MAP4K3: variants seen among roughly 807,000 people sequenced by gnomAD.
MAP4K3 encodes mitogen-activated protein kinase kinase kinase kinase 3.
Under a neutral mutation model 143.5 loss-of-function variants are expected in MAP4K3, and 94 were observed. That is an observed-to-expected ratio of 0.65 (90% confidence interval 0.55 to 0.78). The LOEUF is 0.78. Ranked by LOEUF, MAP4K3 falls within the 30% of genes least tolerant of loss-of-function variation. MAP4K3 has a pLI of 0.00. For synonymous variants in MAP4K3, 416 were observed against 347.2 expected, an observed-to-expected ratio of 1.20 and a Z score of -2.20; for missense variants, 1,077 against 1,068.1, an observed-to-expected ratio of 1.01 and a Z score of -0.12.
At chr2:39,392,395 C>T (rs1170295901) in intron 1 of MAP4K3, among the ~76,000 whole-genome samples, 4 of 152,062 alleles carry the variant, frequency 2.6e-5, no homozygotes, top group Admixed American at 1.3e-4. Flanking sequence ...TCTGCTAACT[C>T]AATATTGCCT....
chr2:39,356,517 T>A (rs190458198), intron 2 of MAP4K3, among the ~76,000 whole-genome samples, 178 bp from the exon 3 acceptor site: 9 of 152,350 alleles, frequency 5.9e-5, no homozygotes, highest in Admixed American at 4.6e-4. Flanking sequence ...CAGTCCTGAC[T>A]TGAGAGAAAA....
chr2:39,436,337 T>C (rs1466054782), intron 1 of MAP4K3, among the ~76,000 whole-genome samples: 1 of 150,412 alleles, frequency 6.6e-6, no homozygotes, highest in Non-Finnish European at 1.5e-5. Flanking sequence ...AAAAAAGTCA[T>C]TACTCTGGAA....
chr2:39,424,961 T>G (rs1190466202), intron 1 of MAP4K3, among the ~76,000 whole-genome samples: 1 of 151,730 alleles, frequency 6.6e-6, no homozygotes, highest in Non-Finnish European at 1.5e-5. Flanking sequence ...TGATTTGGGG[T>G]TCAAGTTTGT....
At chr2:39,383,393 C>T (rs755562590) in intron 1 of MAP4K3, among the ~76,000 whole-genome samples, 4 of 128,116 alleles carry the variant, frequency 3.1e-5, no homozygotes, top group South Asian at 6.0e-4. Flanking sequence ...AAGAGCAAGA[C>T]GGTAATCACC....
intron 15 of MAP4K3, among the ~76,000 whole-genome samples, chr2:39,304,794 T>C (rs924386281): frequency 2.0e-5 from 3 of 152,158 alleles, no homozygotes; most frequent in Non-Finnish European, 2.9e-5. Flanking sequence ...AGCCAAAAGG[T>C]AGAAGCAACT....
intron 14 of MAP4K3, 67 bp downstream of exon 14, chr2:39,309,394 T>C (rs1183991162): frequency 9.7e-6 from 12 of 1,237,198 alleles, no homozygotes; most frequent in Non-Finnish European, 1.2e-5. Context: ...TCAGTACTAA[T>C]ACATCACACA....
In MAP4K3 at chr2:39,272,507, C is replaced by A; in HGVS notation, c.1830G>T (p.Met610Ile). 6.2e-7 allele frequency: 1 copy of A among 1,613,320 alleles called. No individual in the cohort carries two copies. Among genetic ancestry groups the A allele is most frequent in the South Asian group, 1.1e-5 (1 of 91,010 alleles). Residue 610 changes from methionine (M) to isoleucine (I), a missense_variant, in exon 25 of 34, where the codon ATG (methionine) becomes ATT (isoleucine). Physicochemically the swap from Met to Ile is conservative, Grantham distance 10. Around this residue, in one of 2 missense-constraint regions of MAP4K3, gnomAD observed 864 missense variants for 801.2 expected, o/e 1.08. Coordinates refer to ENST00000263881, the MANE Select transcript of MAP4K3 (RefSeq NM_003618.4). ...FPRRCTWLYV[M>I]NNCLLSISGK... The stretch of plus-strand genomic sequence containing the variant: ...CAGATATTGATAGCAAGCAATTGTT[C>A]ATTACATACAACCATGTACACCTTC...
At chr2:39,337,752 GTT>G (rs570853243) in intron 4 of MAP4K3, among the ~76,000 whole-genome samples, 171 bp from the exon 5 acceptor site, 1 of 70,518 alleles carries the variant, frequency 1.4e-5, no homozygotes, top group Non-Finnish European at 2.4e-5. Flanking sequence ...CCTGGCTCCA[GTT>G]TTTTTTTTTT....
In MAP4K3 at chr2:39,258,954, A is replaced by G. The variant is rs544291991; in HGVS notation, c.2309-367T>C. Among the ~76,000 whole-genome samples the G allele has an allele frequency of 9.1e-4, 139 of 152,146 alleles. 1 individual carries two copies. Among genetic ancestry groups the G allele is most frequent in the African/African-American group, 3.0e-3 (124 of 41,558 alleles). ...TGTAAATACATGTAGTTCTCAAACT[A>G]TGGTTGCTGTATCAACACCATCAGC... On this transcript the variant is annotated intron_variant, in intron 29 of 33. Transcript: ENST00000263881.
At chr2:39,264,127 A>G (rs568763851) in intron 28 of MAP4K3, among the ~76,000 whole-genome samples, 24 of 152,322 alleles carry the variant, frequency 1.6e-4, no homozygotes, top group African/African-American at 5.8e-4. Flanking sequence ...TTGATGAAAA[A>G]TCAAACTGTG....
At chr2:39,317,789 G>A (rs1044654653) in intron 12 of MAP4K3, among the ~76,000 whole-genome samples, 7 of 152,032 alleles carry the variant, frequency 4.6e-5, no homozygotes, top group African/African-American at 1.2e-4. Flanking sequence ...AAAAGGGAAC[G>A]GTTACACACT....
rs542266560 is a variant in MAP4K3, at chr2:39,437,261, G to T, written c.-274C>A. On this transcript the variant is annotated 5_prime_UTR_variant, in exon 1 of 34. Transcript: ENST00000263881. ...GGAGAACCCTCGCAGCCCCTCGCTCGGGGTGAAACTCCAACATGGCTTCCG... is the reference window on the plus strand; with the variant it reads ...GGAGAACCCTCGCAGCCCCTCGCTCTGGGTGAAACTCCAACATGGCTTCCG... 3 of 257,552 alleles carry T rather than the reference G, an allele frequency of 1.2e-5. No homozygotes were observed. The highest frequency in any genetic ancestry group is 3.1e-4 in the South Asian group (2 of 6,454). The allele number at this position is 257,552 out of a possible 1,614,324, so 16.0% of individuals were successfully genotyped here.
intron 15 of MAP4K3, among the ~76,000 whole-genome samples, chr2:39,305,033 G>A (rs937089992): frequency 1.3e-5 from 2 of 152,190 alleles, no homozygotes; most frequent in African/African-American, 2.4e-5. Flanking sequence ...AAAACAGAGT[G>A]TTCGCTGCCA....
chr2:39,403,414 G>A (rs768277707), intron 1 of MAP4K3, among the ~76,000 whole-genome samples: 8 of 152,164 alleles, frequency 5.3e-5, no homozygotes, highest in African/African-American at 1.2e-4. Flanking sequence ...AATTGCCAAC[G>A]TCCCCCATCC....
chr2:39,268,626 T>C (rs896771072), intron 26 of MAP4K3, among the ~76,000 whole-genome samples: 1 of 116,868 alleles, frequency 8.6e-6, no homozygotes, highest in Admixed American at 1.0e-4. Flanking sequence ...CGGCTAAAGA[T>C]TTTTTCTATT....
At chr2:39,403,449 A>G (rs72801478) in intron 1 of MAP4K3, among the ~76,000 whole-genome samples, 51,797 of 151,998 alleles carry the variant, frequency 0.34, 10,964 homozygotes, top group Non-Finnish European at 0.46. Flanking sequence ...TGTGGCGCAG[A>G]GAATGTGTGT....
chr2:39,286,949 G>T lies in MAP4K3; in HGVS notation c.1490C>A (p.Ser497Tyr), dbSNP rs760464241. 1.2e-6 allele frequency: 2 copies of T among 1,602,724 alleles called. No individual in the cohort carries two copies. The highest frequency in any genetic ancestry group is 2.2e-5 in the East Asian group (1 of 44,582). The change falls in exon 21 of 34, where the codon TCC becomes TAC. Residue 497 changes from serine (S) to tyrosine (Y), a missense_variant. Ser to Tyr is a moderately radical substitution (Grantham distance 144). This residue lies in a region of MAP4K3 where 864 missense variants were observed against 801.2 expected (regional missense o/e 1.08). Coordinates refer to ENST00000263881, the MANE Select transcript of MAP4K3 (RefSeq NM_003618.4). Reference protein sequence around the residue: ...KPVALGNGMSSFQLNGERDGS... With the variant: ...KPVALGNGMSYFQLNGERDGS... ...ATCTCGTTCACCATTTAACTGGAAG[G>T]AGCTCATTCCATTTCCTTCAATAAG...
At chr2:39,393,221 G>A (rs541688767) in intron 1 of MAP4K3, among the ~76,000 whole-genome samples, 2 of 152,172 alleles carry the variant, frequency 1.3e-5, no homozygotes, top group Non-Finnish European at 2.9e-5. Flanking sequence ...TGTGAATGTA[G>A]AGAATGAAAC....
rs146386185 is a variant in MAP4K3 at position 39,351,842 on chromosome 2, G to A, written c.245+4407C>T. Among the ~76,000 whole-genome samples the A allele has an allele frequency of 2.2e-4, 33 of 152,006 alleles. No homozygotes were observed. In the South Asian group the frequency reaches 2.7e-3, roughly 12 times the overall value. ...TGCCACCATGCCCAGCTAATTTTTT[G>A]TATTTTTAATAGAGATGGGAGTTTT... is the stretch of plus-strand genomic sequence containing the variant. On this transcript the variant is annotated intron_variant, in intron 3 of 33. Transcript: ENST00000263881.
Sources: gnomAD v4.1 joint callset for allele counts (sites outside exome capture counted in the v4.1 genomes callset) on GRCh38, gnomAD v4.1.1 for gene constraint, gnomAD v4.1.1 regional missense constraint, MANE v1.5 for transcripts, NCBI Gene and HGNC (gene_info 2026-07-23, HGNC 2026-07-21) for gene names.